The following ADGRL2 variants were observed in gnomAD, a reference collection of about 807,000 sequenced individuals.
ADGRL2 encodes the protein adhesion G protein-coupled receptor L2.
Under a neutral mutation model 157.4 loss-of-function variants are expected in ADGRL2, and 44 were observed. The ratio of observed to expected loss-of-function variants is 0.28; its 90% CI spans 0.22 to 0.36. The LOEUF (loss-of-function observed/expected upper bound fraction) is 0.36, where lower values mean the gene tolerates loss of function less well. Ranked by LOEUF, ADGRL2 falls within the 10% of genes least tolerant of loss-of-function variation. ADGRL2 has a pLI of 1.00. For synonymous variants in ADGRL2, 585 were observed against 624.7 expected, an observed-to-expected ratio of 0.94 and a Z score of 0.95; for missense variants, 1,510 against 1,768.9, an observed-to-expected ratio of 0.85 and a Z score of 2.63.
In ADGRL2 at chr1:81,310,172, G is replaced by A. The variant is rs190132178; in HGVS notation, c.-302+3663G>A. ...GCAATGCATGTTTAAACGGTCTGAC[G>A]GTGAAACATTGAATATAATTATCTG... On this transcript the variant is annotated intron_variant, in intron 1 of 24. Coordinates refer to the ADGRL2 transcript ENST00000370721. 2.3e-3 allele frequency among the ~76,000 whole-genome samples: 352 copies of A among 152,174 alleles called. 1 individual carries two copies. Among genetic ancestry groups the A allele is most frequent in the Middle Eastern group, 6.8e-3 (2 of 294 alleles).
intron 2 of ADGRL2, among the ~76,000 whole-genome samples, chr1:81,789,977 A>G (rs2087254770): frequency 6.6e-6 from 1 of 152,288 alleles, no homozygotes; most frequent in East Asian, 1.9e-4. Flanking sequence ...AGCATAATGT[A>G]TAATTTGTCG....
chr1:81,566,114 CAAACA>C (rs1005186159), intron 2 of ADGRL2, among the ~76,000 whole-genome samples: 1 of 152,034 alleles, frequency 6.6e-6, no homozygotes, highest in Non-Finnish European at 1.5e-5. Flanking sequence ...TAAATTCAAA[CAAACA>C]AAACAAGGAG....
At chr1:81,822,252 A>T (rs1425968972) in intron 1 of ADGRL2, among the ~76,000 whole-genome samples, 3 of 151,908 alleles carry the variant, frequency 2.0e-5, no homozygotes, top group African/African-American at 7.2e-5. Flanking sequence ...GCTATCAGAA[A>T]AAAATCACTG....
At chr1:81,387,929 T>C (rs2076466652) in intron 1 of ADGRL2, among the ~76,000 whole-genome samples, 1 of 152,128 alleles carries the variant, frequency 6.6e-6, no homozygotes, top group African/African-American at 2.4e-5. Flanking sequence ...CCTCCCTTCT[T>C]TCCATCTTTT....
chr1:81,676,852 A>G (rs1342686432), intron 3 of ADGRL2, among the ~76,000 whole-genome samples: 1 of 149,766 alleles, frequency 6.7e-6, no homozygotes, highest in Non-Finnish European at 1.5e-5. Flanking sequence ...ACACCTGGCT[A>G]ATTTTTTTTG....
At chr1:81,925,964 T>C (rs2095095799) in intron 3 of ADGRL2, among the ~76,000 whole-genome samples, 1 of 152,028 alleles carries the variant, frequency 6.6e-6, no homozygotes, top group Non-Finnish European at 1.5e-5. Context: ...GAATTTAAAA[T>C]AGCCGCAACA....
At chr1:81,517,862 G>A (rs963435049) in intron 2 of ADGRL2, among the ~76,000 whole-genome samples, 4 of 152,280 alleles carry the variant, frequency 2.6e-5, no homozygotes, top group Admixed American at 2.6e-4. Context: ...TTAGAGGGGC[G>A]TTACAAATCC....
intron 2 of ADGRL2, among the ~76,000 whole-genome samples, chr1:81,528,894 G>T (rs2079536141): frequency 6.6e-6 from 1 of 152,124 alleles, no homozygotes; most frequent in South Asian, 2.1e-4. Flanking sequence ...GAATAGGAAA[G>T]GATACTATAA....
intron 10 of ADGRL2, among the ~76,000 whole-genome samples, chr1:81,954,922 A>G (rs1235314290): frequency 6.6e-6 from 1 of 152,206 alleles, no homozygotes; most frequent in African/African-American, 2.4e-5. Context: ...GATCAGAACT[A>G]TGTGTTTATG....
intron 3 of ADGRL2, among the ~76,000 whole-genome samples, chr1:81,659,154 T>C (rs1207609422): frequency 6.9e-6 from 1 of 145,544 alleles, no homozygotes. Context: ...CTCCCCCTCC[T>C]GGGTTCACGT....
At chr1:81,363,714 A>AT (rs901133910) in intron 1 of ADGRL2, among the ~76,000 whole-genome samples, 5 of 152,102 alleles carry the variant, frequency 3.3e-5, no homozygotes, top group East Asian at 3.9e-4. Flanking sequence ...TGTTTTGTTG[A>AT]TTTTTTTTCC....
chr1:81,505,456 GA>G (rs2078952708), intron 2 of ADGRL2, among the ~76,000 whole-genome samples: 2 of 150,664 alleles, frequency 1.3e-5, no homozygotes, highest in Non-Finnish European at 2.9e-5. Context: ...CCGGTCATTG[GA>G]TCCTCTCCCT....
At chr1:81,930,747 C>T (rs1481380282) in intron 3 of ADGRL2, among the ~76,000 whole-genome samples, 1 of 152,132 alleles carries the variant, frequency 6.6e-6, no homozygotes, top group Non-Finnish European at 1.5e-5. Flanking sequence ...GCATATTTGG[C>T]TTCATTCCAG....
chr1:81,471,489 A>C (rs548292707), intron 2 of ADGRL2, among the ~76,000 whole-genome samples: 1 of 152,292 alleles, frequency 6.6e-6, no homozygotes, highest in Admixed American at 6.5e-5. Context: ...AGGACTCATT[A>C]GTATCCTATT....
At chr1:81,902,209 G>T (rs12076437) in intron 2 of ADGRL2, among the ~76,000 whole-genome samples, 1 of 152,184 alleles carries the variant, frequency 6.6e-6, no homozygotes, top group African/African-American at 2.4e-5. Flanking sequence ...TTAAGATAGG[G>T]GTTGTGAGGA....
chr1:81,932,159 A>G (rs1375490914), intron 3 of ADGRL2, among the ~76,000 whole-genome samples: 1 of 152,206 alleles, frequency 6.6e-6, no homozygotes, highest in Non-Finnish European at 1.5e-5. Context: ...CTTCTGTAGA[A>G]CATAGTATAT....
At chr1:81,488,536 C>A (rs75840224) in intron 2 of ADGRL2, among the ~76,000 whole-genome samples, 32 of 138,684 alleles carry the variant, frequency 2.3e-4, no homozygotes, top group Non-Finnish European at 2.7e-4. Context: ...CCTGTCTCTA[C>A]AAAAAAAAAA....
intron 1 of ADGRL2, among the ~76,000 whole-genome samples, chr1:81,384,685 G>A (rs1044800441): frequency 2.0e-5 from 3 of 152,030 alleles, no homozygotes; most frequent in African/African-American, 7.2e-5. Context: ...ACTGGTATAT[G>A]ACCTGAAACA....
intron 1 of ADGRL2, among the ~76,000 whole-genome samples, chr1:81,386,303 G>T (rs1169384909): frequency 1.3e-5 from 2 of 152,054 alleles, no homozygotes; most frequent in Non-Finnish European, 2.9e-5. Context: ...ATTTGGCCTT[G>T]GTTTTAAAGG....
Sources: gnomAD v4.1 joint callset for allele counts (sites outside exome capture counted in the v4.1 genomes callset) on GRCh38, gnomAD v4.1.1 for gene constraint, MANE v1.5 for transcripts, NCBI Gene and HGNC (gene_info 2026-07-23, HGNC 2026-07-21) for gene names.